NMNAT2: variants seen among roughly 807,000 people sequenced by gnomAD.
The protein encoded by NMNAT2 is nicotinamide/nicotinic acid mononucleotide adenylyltransferase 2.
Under a neutral mutation model 41.6 loss-of-function variants are expected in NMNAT2, and 11 were observed. That is an observed-to-expected ratio of 0.26 (90% CI 0.17 to 0.44). The LOEUF (loss-of-function observed/expected upper bound fraction) is 0.44, where lower values mean the gene tolerates loss of function less well. NMNAT2 is among the 20% of genes least tolerant of loss of function. The pLI is 1.00. For missense variants in NMNAT2, 288 were observed against 407.7 expected (o/e 0.71, Z 2.53); for synonymous variants, 148 against 151.2 (o/e 0.98, Z 0.16).
intron 1 of NMNAT2, among the ~76,000 whole-genome samples, chr1:183,300,984 G>C (rs1260298894): frequency 6.6e-6 from 1 of 152,236 alleles, no homozygotes; most frequent in Non-Finnish European, 1.5e-5. Flanking sequence ...CCTGAGATCA[G>C]AGTCAAGATT....
intron 1 of NMNAT2, among the ~76,000 whole-genome samples, chr1:183,344,779 C>A (rs878998380): frequency 6.6e-6 from 1 of 152,170 alleles, no homozygotes; most frequent in Admixed American, 6.5e-5. Flanking sequence ...TAAAACCATA[C>A]CTCATTTAAA....
intron 10 of NMNAT2, among the ~76,000 whole-genome samples, chr1:183,259,890 C>T (rs1056473663): frequency 1.3e-5 from 2 of 152,192 alleles, no homozygotes; most frequent in African/African-American, 2.4e-5. Flanking sequence ...TGAGCCACTG[C>T]GCCCGGCCTG....
chr1:183,361,874 G>T (rs1490741707), intron 1 of NMNAT2, among the ~76,000 whole-genome samples: 5 of 152,136 alleles, frequency 3.3e-5, no homozygotes, highest in African/African-American at 7.2e-5. Context: ...TTTTTCCTAG[G>T]TATGGCTACC....
chr1:183,307,691 C>T (rs924598500), intron 1 of NMNAT2, among the ~76,000 whole-genome samples: 2 of 152,192 alleles, frequency 1.3e-5, no homozygotes, highest in African/African-American at 4.8e-5. Flanking sequence ...GATCTGCCCA[C>T]CTCGGCCTCC....
chr1:183,268,692 C>T (rs1158624795), intron 8 of NMNAT2, among the ~76,000 whole-genome samples: 1 of 152,140 alleles, frequency 6.6e-6, no homozygotes, highest in East Asian at 1.9e-4. Flanking sequence ...GTTTCCTGTA[C>T]TCAAAGGGCT....
rs145609653 is a variant in NMNAT2, at chr1:183,402,069, TAA to T, written c.85+16112_85+16113del. ...ATGTACCCTAGAACTTAAAGTATAATAAAAAAAAAATATGCTAAGAGGGTAGT... is the reference window on the plus strand; with the variant it reads ...ATGTACCCTAGAACTTAAAGTATAATAAAAAAAATATGCTAAGAGGGTAGT... On this transcript the variant is annotated intron_variant, in intron 1 of 10. Transcript: ENST00000287713. 1.0e-3 allele frequency among the ~76,000 whole-genome samples: 154 copies of T among 149,454 alleles called. 5 individuals are homozygous for T. The East Asian group carries it at 0.027, about 26-fold the overall frequency.
chr1:183,319,189 C>A (rs557593061), intron 1 of NMNAT2, among the ~76,000 whole-genome samples: 1 of 152,296 alleles, frequency 6.6e-6, no homozygotes, highest in South Asian at 2.1e-4. Context: ...AGTTGACTCA[C>A]CCCAAAAAAT....
intron 10 of NMNAT2, among the ~76,000 whole-genome samples, chr1:183,257,859 T>G (rs1277995157): frequency 2.6e-5 from 4 of 152,166 alleles, no homozygotes; most frequent in Admixed American, 2.6e-4. Context: ...CTATTTAGTT[T>G]TGCTCTAATC....
chr1:183,418,329 C>T lies in NMNAT2; in HGVS notation c.-62G>A. 1 of 1,508,494 alleles carries T rather than the reference C, an allele frequency of 6.6e-7. No individual in the cohort carries two copies. Among genetic ancestry groups the T allele is most frequent in the Middle Eastern group, 1.7e-4 (1 of 5,872 alleles). 93.4% of individuals were successfully genotyped at this position (1,508,494 alleles called of 1,614,324 possible). A position where few individuals can be genotyped will look rare whatever the true frequency, so the allele number is the denominator to read the frequency against. ...CCTCTCTTTTTGTGTCTCGTTGTGT[C>T]TGCAGAGGGAGAAAGGAAGGCGAGG... On this transcript the variant is annotated 5_prime_UTR_variant, in exon 1 of 11. Transcript: ENST00000287713.
intron 3 of NMNAT2, among the ~76,000 whole-genome samples, chr1:183,291,863 G>A (rs552152668): frequency 2.0e-5 from 3 of 152,308 alleles, no homozygotes; most frequent in South Asian, 4.1e-4. Context: ...TCTTTAGGGG[G>A]ATAAGAAAGT....
At chr1:183,275,425 G>A (rs1661098169) in intron 8 of NMNAT2, among the ~76,000 whole-genome samples, 1 of 151,968 alleles carries the variant, frequency 6.6e-6, no homozygotes, top group Non-Finnish European at 1.5e-5. Flanking sequence ...GGCTGGCAGG[G>A]TGGGGAAGCA....
intron 7 of NMNAT2, among the ~76,000 whole-genome samples, chr1:183,278,938 A>G (rs545307782): frequency 6.6e-6 from 1 of 152,274 alleles, no homozygotes; most frequent in Admixed American, 6.5e-5. Context: ...CTAAGCCAGG[A>G]TGGTTCATTA....
At chr1:183,278,707 G>C in intron 7 of NMNAT2, 78 bp from the exon 8 acceptor site, 1 of 989,676 alleles carries the variant, frequency 1.0e-6, no homozygotes, top group Non-Finnish European at 1.6e-6. Context: ...TTCTTCCCCT[G>C]GTGAATACAT....
intron 1 of NMNAT2, among the ~76,000 whole-genome samples, chr1:183,385,121 G>A (rs1648177352): frequency 6.6e-6 from 1 of 152,052 alleles, no homozygotes; most frequent in Admixed American, 6.6e-5. Context: ...ATGATCACTT[G>A]AGCCCAGGTG....
chr1:183,367,679 G>A (rs1663442816), intron 1 of NMNAT2, among the ~76,000 whole-genome samples: 2 of 152,128 alleles, frequency 1.3e-5, no homozygotes, highest in African/African-American at 2.4e-5. Flanking sequence ...AACTGTTTCA[G>A]TAAAAAGATT....
chr1:183,349,873 G>A (rs1303254042), intron 1 of NMNAT2, among the ~76,000 whole-genome samples: 1 of 152,170 alleles, frequency 6.6e-6, no homozygotes, highest in Admixed American at 6.5e-5. Flanking sequence ...CCACCCCTCT[G>A]AGAAGGAAAG....
chr1:183,412,531 C>T (rs984485062), intron 1 of NMNAT2, among the ~76,000 whole-genome samples: 1 of 152,152 alleles, frequency 6.6e-6, no homozygotes, highest in African/African-American at 2.4e-5. Flanking sequence ...CCAAAAGGAT[C>T]GCTCTGATAA....
intron 1 of NMNAT2, among the ~76,000 whole-genome samples, chr1:183,354,483 C>G (rs1305817808): frequency 7.0e-6 from 1 of 143,850 alleles, no homozygotes; most frequent in African/African-American, 2.6e-5. Context: ...GTGATCATGG[C>G]TCACTGTAGC....
chr1:183,381,364 A>G (rs558662351), intron 1 of NMNAT2, among the ~76,000 whole-genome samples: 2 of 152,212 alleles, frequency 1.3e-5, no homozygotes, highest in Non-Finnish European at 2.9e-5. Flanking sequence ...CCAATAGCAC[A>G]TACAATAATA....
Sources: gnomAD v4.1 joint callset for allele counts (sites outside exome capture counted in the v4.1 genomes callset) on GRCh38, gnomAD v4.1.1 for gene constraint, MANE v1.5 for transcripts, NCBI Gene and HGNC (gene_info 2026-07-23, HGNC 2026-07-21) for gene names.